The following TMC1 variants were observed in gnomAD, a reference collection of about 807,000 sequenced individuals.
The protein encoded by TMC1 is transmembrane channel-like protein 1.
In TMC1, 84 loss-of-function variants were observed where a neutral mutation model predicts 105.8. The observed-to-expected ratio is 0.79, with a 90% confidence interval of 0.67 to 0.95. The LOEUF (loss-of-function observed/expected upper bound fraction) is 0.95. Ranked by LOEUF, TMC1 falls within the 40% of genes least tolerant of loss-of-function variation. The pLI is 0.00. For synonymous variants in TMC1, 315 were observed against 311.5 expected (o/e 1.01, Z -0.12); for missense variants, 817 against 914.1 (o/e 0.89, Z 1.37).
intron 5 of TMC1, chr9:72,655,708 C>T (rs1482896922): frequency 2.4e-6 from 1 of 423,640 alleles, no homozygotes; most frequent in Non-Finnish European, 4.4e-6. Context: ...CGCCACTGCA[C>T]TCCAGCCCGG....
intron 18 of TMC1, among the ~76,000 whole-genome samples, chr9:72,807,916 C>T (rs1828631375): frequency 6.6e-6 from 1 of 152,140 alleles, no homozygotes; most frequent in African/African-American, 2.4e-5. Context: ...CCATCACCAG[C>T]TTTCCTTCTA....
intron 1 of TMC1, among the ~76,000 whole-genome samples, chr9:72,575,253 T>G (rs1824359938): frequency 6.6e-6 from 1 of 152,166 alleles, no homozygotes; most frequent in African/African-American, 2.4e-5. Flanking sequence ...TGATCTCGGC[T>G]CACTGCAACC....
intron 18 of TMC1, among the ~76,000 whole-genome samples, chr9:72,810,205 C>G (rs1828677316): frequency 6.6e-6 from 1 of 150,972 alleles, no homozygotes; most frequent in Non-Finnish European, 1.5e-5. Flanking sequence ...GAATGTTTCT[C>G]TGCTATTCTC....
At chr9:72,577,000 C>A (rs1370930092) in intron 1 of TMC1, among the ~76,000 whole-genome samples, 2 of 151,970 alleles carry the variant, frequency 1.3e-5, no homozygotes, top group Non-Finnish European at 2.9e-5. Context: ...TGCAATATGG[C>A]CAACTGGGAT....
At chr9:72,764,794 TGTTGG>T (rs773286525) in intron 12 of TMC1, among the ~76,000 whole-genome samples, 33 of 152,186 alleles carry the variant, frequency 2.2e-4, no homozygotes, top group Non-Finnish European at 4.3e-4. Flanking sequence ...TGAAGTCAGA[TGTTGG>T]GAATACAAAG....
chr9:72,708,063 C>A (rs1279233565), intron 8 of TMC1, among the ~76,000 whole-genome samples: 1 of 152,108 alleles, frequency 6.6e-6, no homozygotes, highest in Non-Finnish European at 1.5e-5. Flanking sequence ...TGTCAAAGAT[C>A]AGTTGGCTGT....
chr9:72,568,828 A>C (rs899950096), intron 1 of TMC1, among the ~76,000 whole-genome samples: 4 of 152,138 alleles, frequency 2.6e-5, no homozygotes, highest in African/African-American at 9.7e-5. Context: ...CATATCTATA[A>C]AGCAAAGGGA....
chr9:72,547,304 T>A (rs1366377775), intron 1 of TMC1, among the ~76,000 whole-genome samples: 64 of 123,978 alleles, frequency 5.2e-4, no homozygotes, highest in African/African-American at 1.1e-3. Flanking sequence ...AAAAAAAAAA[T>A]GGTTAAAAAG....
intron 1 of TMC1, among the ~76,000 whole-genome samples, chr9:72,538,870 TTAA>T (rs1823630133): frequency 6.6e-6 from 1 of 152,190 alleles, no homozygotes; most frequent in South Asian, 2.1e-4. Flanking sequence ...GATCTCTGTT[TTAA>T]TGTTAATGCT....
chr9:72,611,324 C>G (rs1825020410), intron 2 of TMC1, among the ~76,000 whole-genome samples: 1 of 151,868 alleles, frequency 6.6e-6, no homozygotes, highest in Non-Finnish European at 1.5e-5. Context: ...CTATAGAAGC[C>G]AAAGGAAGAG....
At chr9:72,541,426 G>T (rs541212723) in intron 1 of TMC1, among the ~76,000 whole-genome samples, 1 of 152,306 alleles carries the variant, frequency 6.6e-6, no homozygotes, top group South Asian at 2.1e-4. Context: ...GATGGCTCAT[G>T]CCTATAATCC....
chr9:72,768,636 C>G (rs1331029823), intron 12 of TMC1, among the ~76,000 whole-genome samples: 1 of 151,826 alleles, frequency 6.6e-6, no homozygotes, highest in Non-Finnish European at 1.5e-5. Flanking sequence ...CAAAACAAAA[C>G]AAAACCAGAA....
intron 6 of TMC1, among the ~76,000 whole-genome samples, chr9:72,690,022 G>T (rs1299183235): frequency 6.6e-6 from 1 of 151,742 alleles, no homozygotes; most frequent in Non-Finnish European, 1.5e-5. Flanking sequence ...AAGCTCTTTT[G>T]TCCCTTTTTT....
chr9:72,775,829 A>G (rs1827996851), intron 13 of TMC1, among the ~76,000 whole-genome samples: 1 of 152,190 alleles, frequency 6.6e-6, no homozygotes, highest in African/African-American at 2.4e-5. Flanking sequence ...GGGAACCAGC[A>G]TGTGCAGAGA....
intron 17 of TMC1, among the ~76,000 whole-genome samples, chr9:72,796,624 CAT>C (rs1480277798): frequency 6.6e-6 from 1 of 152,122 alleles, no homozygotes; most frequent in Non-Finnish European, 1.5e-5. Context: ...AGAAAAACCA[CAT>C]GATTATCTCC....
chr9:72,631,832 C>G (rs1412707184), intron 4 of TMC1, among the ~76,000 whole-genome samples: 2 of 151,930 alleles, frequency 1.3e-5, no homozygotes, highest in Non-Finnish European at 2.9e-5. Context: ...AGAGCGCATG[C>G]AAGAAGATGG....
intron 15 of TMC1, among the ~76,000 whole-genome samples, chr9:72,790,886 T>C (rs1024559987): frequency 6.6e-6 from 1 of 152,132 alleles, no homozygotes; most frequent in African/African-American, 2.4e-5. Flanking sequence ...TTAATAAAAA[T>C]GACAAAAATC....
In TMC1 at chr9:72,777,839, A is replaced by G. The variant is rs141932493; in HGVS notation, c.884+5284A>G. On this transcript the variant is annotated intron_variant, in intron 13 of 23. Coordinates refer to ENST00000297784, the MANE Select transcript of TMC1 (RefSeq NM_138691.3). The stretch of plus-strand genomic sequence containing the variant: ...AGAATAACAAGCATATGTGGTATGC[A>G]TTTATTATATGTATTGTGCCATGCA... Among the ~76,000 whole-genome samples, 8 of 152,368 alleles carry G rather than the reference A, an allele frequency of 5.3e-5. No homozygotes were observed. In the East Asian group the frequency reaches 1.5e-3, roughly 29 times the overall value.
chr9:72,800,063 C>T (rs988849240), intron 17 of TMC1, among the ~76,000 whole-genome samples: 2 of 152,176 alleles, frequency 1.3e-5, no homozygotes, highest in Non-Finnish European at 2.9e-5. Context: ...CAAGTCTGCA[C>T]TTTGAATTTA....
Sources: gnomAD v4.1 joint callset for allele counts (sites outside exome capture counted in the v4.1 genomes callset) on GRCh38, gnomAD v4.1.1 for gene constraint, MANE v1.5 for transcripts, NCBI Gene and HGNC (gene_info 2026-07-23, HGNC 2026-07-21) for gene names.